The following SNRPB variants were observed in gnomAD, a reference collection of about 807,000 sequenced individuals.
SNRPB encodes the protein small nuclear ribonucleoprotein-associated proteins B and B'.
SNRPB carries 5 observed loss-of-function variants against 26.6 expected under a neutral mutation model. The observed-to-expected ratio is 0.19, with a 90% CI of 0.10 to 0.39. SNRPB has a LOEUF of 0.39. SNRPB is among the 10% of genes least tolerant of loss of function. SNRPB has a pLI of 1.00. For synonymous variants in SNRPB, 122 were observed against 105.8 expected (o/e 1.15, Z -0.94); for missense variants, 211 against 311.9 (o/e 0.68, Z 2.44).
In SNRPB at chr20:2,467,750, G is replaced by T. The variant is rs1314322919; in HGVS notation, c.12C>A (p.Gly4=). The change falls in exon 2 of 7, where the codon GGC becomes GGA. Residue 4 remains glycine, a synonymous_variant. Coordinates refer to ENST00000381342, the MANE Select transcript of SNRPB (RefSeq NM_003091.4). ...TATGCTGCAGCATCTTGCTGCTCTT[G>T]CCCACCGTCTGCAAGGAGAAATGGA... MTV[G]KSSKMLQHID... 1 of 1,613,866 alleles carries T rather than the reference G, an allele frequency of 6.2e-7. No homozygotes were observed.
At chr20:2,462,952 C>G (rs1251254320) in intron 5 of SNRPB, 137 bp downstream of exon 5, 2 of 1,021,562 alleles carry the variant, frequency 2.0e-6, no homozygotes, top group African/African-American at 3.2e-5. Context: ...TCTCATCAGT[C>G]AGCCACGCTG....
intron 2 of SNRPB, 164 bp downstream of exon 2, chr20:2,467,442 CA>C: frequency 1.5e-6 from 1 of 678,056 alleles, no homozygotes; most frequent in South Asian, 1.8e-5. Flanking sequence ...TTGCTGGACT[CA>C]AAAAGATTTC....
chr20:2,466,142 C>T (rs1327331112), intron 2 of SNRPB, among the ~76,000 whole-genome samples: 1 of 152,142 alleles, frequency 6.6e-6, no homozygotes, highest in Non-Finnish European at 1.5e-5. Flanking sequence ...GACCCTATTC[C>T]CTCCCTTCAG....
intron 1 of SNRPB, among the ~76,000 whole-genome samples, chr20:2,469,263 T>G (rs1166342865): frequency 1.3e-5 from 2 of 152,214 alleles, no homozygotes; most frequent in Non-Finnish European, 2.9e-5. Context: ...ACAAAATGAA[T>G]CCAGCGCCTA....
intron 2 of SNRPB, 73 bp downstream of exon 2, chr20:2,467,534 C>T: frequency 7.1e-7 from 1 of 1,409,468 alleles, no homozygotes; most frequent in Admixed American, 1.8e-5. Flanking sequence ...TACATCACCA[C>T]CTCTATTGCT....
chr20:2,467,356 G>A, intron 2 of SNRPB: 1 of 587,412 alleles, frequency 1.7e-6, no homozygotes, highest in Non-Finnish European at 3.2e-6. Flanking sequence ...CAGTACCCAG[G>A]GGCACGCAAA....
At position 2,463,249 on chromosome 20, in the gene SNRPB, G is replaced by C. The variant is rs775123917; in HGVS notation, c.421-22C>G. The C allele has an allele frequency of 4.4e-6, 7 of 1,596,132 alleles. No individual in the cohort carries two copies. Among genetic ancestry groups the C allele is most frequent in the East Asian group, 4.5e-5 (2 of 44,782 alleles). ...TCACCTAAGAGGACATAAGAAGAAA[G>C]AGTTAGAAGAGTACAGTACAATGCA... is the stretch of plus-strand genomic sequence containing the variant. On this transcript the variant is annotated intron_variant, in intron 4 of 6. Transcript: ENST00000381342. This position sits in a 1 kb window ranked among gnomAD's most constrained non-coding sequence, Gnocchi z 5.0.
chr20:2,462,855 A>G (rs1001068628), intron 5 of SNRPB, 94 bp from the exon 6 acceptor site: 2 of 1,135,076 alleles, frequency 1.8e-6, no homozygotes, highest in African/African-American at 1.6e-5. Context: ...TCTGAGATAG[A>G]TGGACCATTC....
In SNRPB at chr20:2,465,789, T is replaced by C. The variant is rs778516236; in HGVS notation, c.186A>G (p.Glu62=). 2.5e-6 allele frequency: 4 copies of C among 1,613,652 alleles called. No individual in the cohort carries two copies. In the Admixed American group the frequency reaches 6.7e-5, roughly 27 times the overall value. ...GCACCAGACCGAGGACTCGCTTCTCTTCCCTTTCTGCTTGTTTGGAGTTCT... is the reference window on the plus strand; with the variant it reads ...GCACCAGACCGAGGACTCGCTTCTCCTCCCTTTCTGCTTGTTTGGAGTTCT... ...KPKNSKQAER[E]EKRVLGLVLL... is the part of the protein sequence containing the mutation. The change falls in exon 3 of 7, where the codon GAA becomes GAG. Residue 62 remains glutamate (E), a synonymous_variant. Coordinates refer to ENST00000381342, the MANE Select transcript of SNRPB (RefSeq NM_003091.4).
chr20:2,463,186 T>A lies in SNRPB; in HGVS notation c.462A>T (p.Ala154=). 6.2e-7 allele frequency: 1 copy of A among 1,612,790 alleles called. No individual in the cohort carries two copies. The highest frequency in any genetic ancestry group is 8.5e-7 in the Non-Finnish European group (1 of 1,178,980). Reference sequence around the variant, plus strand: ...CGGCAATACTGGCTGTGGCAGCAGCTGCAGCGGCTGCAACAGTACCTCTTC... The same window carrying A: ...CGGCAATACTGGCTGTGGCAGCAGCAGCAGCGGCTGCAACAGTACCTCTTC... ...PQGRGTVAAA[A]AAATASIAGA... The change falls in exon 5 of 7, where the codon GCA becomes GCT. Residue 154 remains alanine (A), a synonymous_variant. Coordinates refer to ENST00000381342, the MANE Select transcript of SNRPB (RefSeq NM_003091.4). The surrounding 1 kb of genome is among the most constrained non-coding windows in gnomAD (Gnocchi z 5.0).
chr20:2,467,689 G>A lies in SNRPB; in HGVS notation c.73C>T (p.Arg25Trp). 1.2e-6 allele frequency: 2 copies of A among 1,613,874 alleles called. No individual in the cohort carries two copies. Among genetic ancestry groups the A allele is most frequent in the Non-Finnish European group, 1.7e-6 (2 of 1,179,822 alleles). The change falls in exon 2 of 7, where the codon CGG (arginine) becomes TGG (tryptophan). Residue 25 changes from arginine (R) to tryptophan (W), a missense_variant. Transcript: ENST00000381342. The stretch of plus-strand genomic sequence containing the variant: ...GCCTTGAAGGTGCCAATGAAGATCC[G>A]GCCGTCCTGCAGGATGCACCTCATC... ...YRMRCILQDGRIFIGTFKAFD... is the reference protein window; with the variant it reads ...YRMRCILQDGWIFIGTFKAFD...
In SNRPB at chr20:2,463,399, T is replaced by C. The variant is rs1017583164; in HGVS notation, c.421-172A>G. Among the ~76,000 whole-genome samples, 1 of 152,222 alleles carries C rather than the reference T, an allele frequency of 6.6e-6. No homozygotes were observed. The highest frequency in any genetic ancestry group is 2.4e-5 in the African/African-American group (1 of 41,460). On this transcript the variant is annotated intron_variant, in intron 4 of 6. Transcript: ENST00000381342. This position sits in a 1 kb window ranked among gnomAD's most constrained non-coding sequence, Gnocchi z 5.0. ...AACCACATGTCGGGAAAGATCAAGC[T>C]TGAATGCCCAACTCCCATCTTCTAG...
chr20:2,467,808 C>A, intron 1 of SNRPB, 50 bp from the exon 2 acceptor site: 1 of 1,570,274 alleles, frequency 6.4e-7, no homozygotes, highest in Non-Finnish European at 8.7e-7. Context: ...TGGACCCAAG[C>A]ACCTCTGGCC....
intron 5 of SNRPB, 27 bp from the exon 6 acceptor site, chr20:2,462,788 A>G: frequency 6.6e-7 from 1 of 1,508,664 alleles, no homozygotes; most frequent in Admixed American, 2.3e-5. Flanking sequence ...CCAAGAATAT[A>G]GCTCAAGTGT....
chr20:2,463,304 AGG>A lies in SNRPB; in HGVS notation c.421-79_421-78del. 8.7e-7 allele frequency: 1 copy of A among 1,144,384 alleles called. No homozygotes were observed. Among genetic ancestry groups the A allele is most frequent in the Non-Finnish European group, 1.3e-6 (1 of 755,374 alleles). 70.9% of individuals were successfully genotyped at this position (1,144,384 alleles called of 1,614,324 possible). On this transcript the variant is annotated intron_variant, in intron 4 of 6. Coordinates refer to ENST00000381342, the MANE Select transcript of SNRPB (RefSeq NM_003091.4). This position sits in a 1 kb window ranked among gnomAD's most constrained non-coding sequence, Gnocchi z 5.0. ...CCCACTCTCCTCCCCAACTTGGGGA[AGG>A]ACAGTGGGAAATAACAGACACCAAA...
At chr20:2,462,879 G>T (rs2085045734) in intron 5 of SNRPB, 118 bp from the exon 6 acceptor site, 5 of 1,008,814 alleles carry the variant, frequency 5.0e-6, no homozygotes, top group Non-Finnish European at 5.8e-6. Context: ...CCTCTCAGCA[G>T]CTCCCAGAAA....
rs201002843 is a variant in SNRPB at position 2,461,812 on chromosome 20, A to G, written c.*117T>C. On this transcript the variant is annotated 3_prime_UTR_variant, in exon 7 of 7. Transcript: ENST00000381342. ...GGGGGCCCTGTAAGGGAAACCAGAC[A>G]ATCCCATGAGACTCCACGAACAACA... The G allele has an allele frequency of 6.2e-7, 1 of 1,613,636 alleles. No homozygotes were observed. Among genetic ancestry groups the G allele is most frequent in the Non-Finnish European group, 8.5e-7 (1 of 1,179,770 alleles).
chr20:2,469,028 A>G (rs1394630765), intron 1 of SNRPB, among the ~76,000 whole-genome samples: 1 of 152,174 alleles, frequency 6.6e-6, no homozygotes, highest in Non-Finnish European at 1.5e-5. Context: ...CCAGCTTCTA[A>G]CCACAAGGGA....
chr20:2,464,269 C>A (rs145524964), intron 3 of SNRPB, among the ~76,000 whole-genome samples: 377 of 152,312 alleles, frequency 2.5e-3, no homozygotes, highest in African/African-American at 8.4e-3. Context: ...TGACAATGGA[C>A]AAATAATCCC....
Sources: allele counts gnomAD v4.1 joint callset (sites outside exome capture counted in the v4.1 genomes callset), GRCh38; gene constraint gnomAD v4.1.1; non-coding constraint Gnocchi (gnomAD v3.1); transcripts MANE v1.5; gene names NCBI Gene and HGNC (gene_info 2026-07-23, HGNC 2026-07-21).